The following FA2H variants were observed in gnomAD, a reference collection of about 807,000 sequenced individuals.
FA2H encodes the protein fatty acid 2-hydroxylase.
A neutral mutation model predicts 44.9 loss-of-function variants in FA2H; 22 were observed. The ratio of observed to expected loss-of-function variants is 0.49; its 90% CI spans 0.35 to 0.70. The LOEUF (loss-of-function observed/expected upper bound fraction) is 0.70. Ranked by LOEUF, FA2H falls within the 30% of genes least tolerant of loss-of-function variation. The pLI, the probability that FA2H is intolerant of heterozygous loss-of-function variation, is 0.01. For synonymous variants in FA2H, 243 were observed against 213.2 expected, an observed-to-expected ratio of 1.14 and a Z score of -1.22; for missense variants, 501 against 504.9, an observed-to-expected ratio of 0.99 and a Z score of 0.07.
chr16:74,752,872 G>C (rs1962553164), intron 1 of FA2H, among the ~76,000 whole-genome samples: 1 of 152,156 alleles, frequency 6.6e-6, no homozygotes, highest in Non-Finnish European at 1.5e-5. Flanking sequence ...AAGGCGGGAG[G>C]CCATCGCAGA....
chr16:74,773,360 T>C (rs1378857370), intron 1 of FA2H, among the ~76,000 whole-genome samples: 5 of 152,184 alleles, frequency 3.3e-5, no homozygotes, highest in African/African-American at 1.2e-4. Context: ...TAGATATGCA[T>C]ATATGGGAAA....
chr16:74,758,410 G>A (rs1962651805), intron 1 of FA2H, among the ~76,000 whole-genome samples: 3 of 151,492 alleles, frequency 2.0e-5, no homozygotes, highest in Non-Finnish European at 2.9e-5. Flanking sequence ...ATGAGCCACC[G>A]TGCCCGGCTG....
At chr16:74,740,264 A>G in intron 1 of FA2H, 149 bp from the exon 2 acceptor site, 1 of 715,454 alleles carries the variant, frequency 1.4e-6, no homozygotes, top group East Asian at 2.6e-5. Flanking sequence ...GGTACTTTGG[A>G]AAACAGAGAG....
intron 1 of FA2H, among the ~76,000 whole-genome samples, chr16:74,769,028 C>T (rs79474881): frequency 0.05 from 7,657 of 152,174 alleles, 255 homozygotes; most frequent in Non-Finnish European, 0.073. Flanking sequence ...GTATGAGCCA[C>T]CCTCTGGCAG....
At chr16:74,767,185 T>G (rs111592054) in intron 1 of FA2H, among the ~76,000 whole-genome samples, 3,478 of 152,246 alleles carry the variant, frequency 0.023, 136 homozygotes, top group African/African-American at 0.08. Flanking sequence ...GGTGTGTGCC[T>G]GTAATCCCAG....
At chr16:74,758,864 C>T (rs891460004) in intron 1 of FA2H, among the ~76,000 whole-genome samples, 1 of 152,212 alleles carries the variant, frequency 6.6e-6, no homozygotes, top group African/African-American at 2.4e-5. Flanking sequence ...CAGCAGGTAC[C>T]GCTTCCTGTA....
intron 4 of FA2H, 26 bp downstream of exon 4, chr16:74,726,199 C>T (rs1166625418): frequency 1.3e-6 from 2 of 1,526,802 alleles, no homozygotes; most frequent in African/African-American, 2.7e-5. Context: ...ATCCTCAGGG[C>T]AAGTCAGGAA....
rs763314788 is a variant in FA2H, at chr16:74,727,351, C to T, written c.399G>A (p.Gln133=). The change falls in exon 3 of 7, where the codon CAG becomes CAA. Residue 133 remains glutamine, a synonymous_variant. Transcript: ENST00000219368. ...CGTACTTCTCTCCCAAGTGGCCCACCTGCCACAGGAGAGGCTTTCGCCAGT... is the reference window on the plus strand; with the variant it reads ...CGTACTTCTCTCCCAAGTGGCCCACTTGCCACAGGAGAGGCTTTCGCCAGT... ...LVDWRKPLLW[Q]VGHLGEKYDE... is the part of the protein sequence containing the mutation. The T allele has an allele frequency of 6.2e-7, 1 of 1,614,264 alleles. No homozygotes were observed.
At chr16:74,738,746 C>T (rs77039445) in intron 2 of FA2H, among the ~76,000 whole-genome samples, 1,791 of 151,098 alleles carry the variant, frequency 0.012, 34 homozygotes, top group African/African-American at 0.041. Flanking sequence ...CCCCTCCGAT[C>T]TCCCCCTGTT....
At chr16:74,757,699 T>G (rs1345835112) in intron 1 of FA2H, among the ~76,000 whole-genome samples, 4 of 152,212 alleles carry the variant, frequency 2.6e-5, no homozygotes, top group Admixed American at 1.3e-4. Flanking sequence ...ATATGATTCC[T>G]TTATGTGAGA....
chr16:74,725,883 T>A, intron 4 of FA2H: 1 of 360,558 alleles, frequency 2.8e-6, no homozygotes, highest in Non-Finnish European at 5.4e-6. Flanking sequence ...TGAAGTGATT[T>A]CATTTAGTTT....
chr16:74,714,508 G>C (rs1238610920), intron 6 of FA2H, among the ~76,000 whole-genome samples: 1 of 152,070 alleles, frequency 6.6e-6, no homozygotes, highest in Non-Finnish European at 1.5e-5. Flanking sequence ...TCGTTTCTAG[G>C]CTACGTGGCC....
At chr16:74,741,523 G>T (rs1489130127) in intron 1 of FA2H, among the ~76,000 whole-genome samples, 2 of 151,736 alleles carry the variant, frequency 1.3e-5, no homozygotes, top group East Asian at 3.9e-4. Context: ...CCCAGGCTGG[G>T]GTGCAACAGC....
At position 74,753,404 on chromosome 16, in the gene FA2H, C is replaced by T. The variant is rs976357900; in HGVS notation, c.271-13289G>A. ...GTGGCTTCTTTAATAACCCCACGAA[C>T]AGCAGGGCGAGGTGGCTCATGCCTC... On this transcript the variant is annotated intron_variant, in intron 1 of 6. Coordinates refer to ENST00000219368, the MANE Select transcript of FA2H (RefSeq NM_024306.5). Among the ~76,000 whole-genome samples the T allele has an allele frequency of 2.0e-5, 3 of 152,280 alleles. No individual in the cohort carries two copies. The East Asian group carries it at 5.8e-4, about 29-fold the overall frequency.
At chr16:74,752,431 C>A (rs111840431) in intron 1 of FA2H, among the ~76,000 whole-genome samples, 3 of 152,190 alleles carry the variant, frequency 2.0e-5, no homozygotes, top group Non-Finnish European at 4.4e-5. Context: ...CTCCATCCCT[C>A]CCCATGCTCC....
chr16:74,750,418 G>A (rs368774705), intron 1 of FA2H, among the ~76,000 whole-genome samples: 15 of 152,072 alleles, frequency 9.9e-5, no homozygotes, highest in Admixed American at 3.3e-4. Flanking sequence ...TTTGAAATGC[G>A]TCTTTTATTA....
chr16:74,735,572 A>C (rs1038004089), intron 2 of FA2H, among the ~76,000 whole-genome samples: 1 of 152,230 alleles, frequency 6.6e-6, no homozygotes, highest in African/African-American at 2.4e-5. Context: ...CTCTGCCCTT[A>C]GGGCTGAAGA....
intron 1 of FA2H, among the ~76,000 whole-genome samples, chr16:74,748,233 C>A (rs1018556396): frequency 3.3e-5 from 5 of 152,356 alleles, no homozygotes; most frequent in African/African-American, 7.2e-5. Context: ...GGAAACGCTG[C>A]GCGTGGAGCA....
At position 74,716,377 on chromosome 16, in the gene FA2H, C is replaced by T. The variant is rs778049749; in HGVS notation, c.1009G>A (p.Val337Ile). 1.1e-5 allele frequency: 17 copies of T among 1,613,862 alleles called. No homozygotes were observed. Among genetic ancestry groups the T allele is most frequent in the East Asian group, 2.2e-5 (1 of 44,876 alleles). Residue 337 changes from valine (V) to isoleucine (I), a missense_variant, in exon 6 of 7, where the codon GTC (valine) becomes ATC (isoleucine). Transcript: ENST00000219368. Reference sequence around the variant, plus strand: ...TTCTGATGTGCAAAGTGGTGCTTGACGTGGTGGGCCTTCAGGCTGTACAGG... The same window carrying T: ...TTCTGATGTGCAAAGTGGTGCTTGATGTGGTGGGCCTTCAGGCTGTACAGG... ...SYLYSLKAHHVKHHFAHQKSG... is the reference protein window; with the variant it reads ...SYLYSLKAHHIKHHFAHQKSG...
Sources: allele counts gnomAD v4.1 joint callset (sites outside exome capture counted in the v4.1 genomes callset), GRCh38; gene constraint gnomAD v4.1.1; transcripts MANE v1.5; gene names NCBI Gene and HGNC (gene_info 2026-07-23, HGNC 2026-07-21).